Variants in CPQ observed in about 807,000 individuals in gnomAD.
The protein encoded by CPQ is Ser-Met dipeptidase.
A neutral mutation model predicts 45.7 loss-of-function variants in CPQ; 37 were observed. The ratio of observed to expected loss-of-function variants is 0.81; its 90% CI spans 0.62 to 1.07. CPQ has a LOEUF of 1.07. Ranked by LOEUF, CPQ falls within the 50% of genes least tolerant of loss-of-function variation. CPQ has a pLI of 0.00. For synonymous variants in CPQ, 186 were observed against 205.8 expected (o/e 0.90, Z 0.82); for missense variants, 537 against 572.9 (o/e 0.94, Z 0.64).
intron 7 of CPQ, among the ~76,000 whole-genome samples, chr8:97,067,914 C>T (rs1009256275): frequency 1.3e-5 from 2 of 152,078 alleles, no homozygotes; most frequent in Non-Finnish European, 2.9e-5. Flanking sequence ...TAGATTTTTT[C>T]TGAGCCTGAA....
intron 5 of CPQ, among the ~76,000 whole-genome samples, chr8:96,983,828 CT>C (rs77058864): frequency 0.027 from 3,737 of 137,642 alleles, 122 homozygotes; most frequent in African/African-American, 0.083. Flanking sequence ...TTTTTGGTTA[CT>C]TTTTTTTTTT....
intron 1 of CPQ, among the ~76,000 whole-genome samples, chr8:96,774,654 T>C (rs1473672990): frequency 6.6e-6 from 1 of 152,114 alleles, no homozygotes; most frequent in East Asian, 1.9e-4. Flanking sequence ...AACCCCACAG[T>C]CATTTCTAAC....
intron 2 of CPQ, among the ~76,000 whole-genome samples, chr8:96,818,622 CTG>C (rs1199218296): frequency 6.6e-6 from 1 of 152,074 alleles, no homozygotes; most frequent in Non-Finnish European, 1.5e-5. Context: ...TTTTGGGCAA[CTG>C]TATTCTGAGA....
At position 97,083,852 on chromosome 8, in the gene CPQ, G is replaced by A. The variant is rs1810997827; in HGVS notation, c.1255+17642G>A. On this transcript the variant is annotated intron_variant, in intron 7 of 7. Coordinates refer to ENST00000220763, the MANE Select transcript of CPQ (RefSeq NM_016134.4). ...CCTAATGGTGATGTGAAGATAGTAT[G>A]TATCCCAAAATATACATAGGGTATG... Among the ~76,000 whole-genome samples the A allele has an allele frequency of 3.9e-5, 6 of 152,140 alleles. 1 individual carries two copies. In the South Asian group the frequency reaches 1.2e-3, roughly 31 times the overall value.
intron 1 of CPQ, among the ~76,000 whole-genome samples, chr8:96,667,808 T>G (rs570738969): frequency 6.6e-6 from 1 of 152,328 alleles, no homozygotes; most frequent in African/African-American, 2.4e-5. Flanking sequence ...TCTGAAGTCC[T>G]GTCTCTTATA....
chr8:96,809,705 T>C (rs1250788628), intron 2 of CPQ, among the ~76,000 whole-genome samples: 3 of 152,112 alleles, frequency 2.0e-5, no homozygotes, highest in African/African-American at 7.2e-5. Flanking sequence ...ATCTATGGAA[T>C]TGTATACTGA....
chr8:96,821,778 A>G (rs899106221), intron 2 of CPQ, among the ~76,000 whole-genome samples: 10 of 151,970 alleles, frequency 6.6e-5, no homozygotes, highest in African/African-American at 2.4e-4. Flanking sequence ...TACAGTTTTA[A>G]AAATTAATTT....
chr8:96,710,933 G>A (rs1323491867), intron 1 of CPQ, among the ~76,000 whole-genome samples: 1 of 152,174 alleles, frequency 6.6e-6, no homozygotes, highest in African/African-American at 2.4e-5. Flanking sequence ...GTCTAGTGCT[G>A]TCAGTGGAGC....
intron 1 of CPQ, among the ~76,000 whole-genome samples, chr8:96,762,169 A>G (rs1179269760): frequency 6.6e-6 from 1 of 152,194 alleles, no homozygotes; most frequent in Non-Finnish European, 1.5e-5. Context: ...TATTTTAAGA[A>G]TAGACAATTA....
intron 4 of CPQ, among the ~76,000 whole-genome samples, chr8:96,898,482 C>T (rs1461193209): frequency 2.0e-5 from 3 of 152,062 alleles, no homozygotes; most frequent in Non-Finnish European, 4.4e-5. Flanking sequence ...GAATATCCAA[C>T]TATTCAAATT....
chr8:97,006,310 C>T (rs1313600246), intron 5 of CPQ, among the ~76,000 whole-genome samples: 1 of 151,866 alleles, frequency 6.6e-6, no homozygotes. Flanking sequence ...TAAGTCTCTT[C>T]CCGTGTCTAT....
intron 7 of CPQ, among the ~76,000 whole-genome samples, chr8:97,096,000 T>C (rs898000532): frequency 6.6e-5 from 10 of 152,174 alleles, no homozygotes; most frequent in African/African-American, 2.4e-4. Context: ...GTTATTTCTG[T>C]TTAAAATAAC....
At chr8:96,930,630 G>A (rs1240451759) in intron 4 of CPQ, among the ~76,000 whole-genome samples, 3 of 152,080 alleles carry the variant, frequency 2.0e-5, no homozygotes, top group Non-Finnish European at 4.4e-5. Flanking sequence ...TCCTCTTCTG[G>A]TTCTCCCAGC....
At chr8:96,790,907 C>T (rs1161270647) in intron 2 of CPQ, among the ~76,000 whole-genome samples, 1 of 152,066 alleles carries the variant, frequency 6.6e-6, no homozygotes, top group Non-Finnish European at 1.5e-5. Flanking sequence ...ACTGGGATAG[C>T]CAGTTTTGAT....
At chr8:96,710,783 G>T (rs1354144508) in intron 1 of CPQ, among the ~76,000 whole-genome samples, 1 of 152,160 alleles carries the variant, frequency 6.6e-6, no homozygotes, top group Non-Finnish European at 1.5e-5. Flanking sequence ...CTATCTTGGA[G>T]AATGTTCCAT....
intron 7 of CPQ, among the ~76,000 whole-genome samples, chr8:97,129,255 C>T (rs1001111190): frequency 2.0e-5 from 3 of 152,128 alleles, no homozygotes; most frequent in African/African-American, 7.2e-5. Flanking sequence ...CCTCTCACTC[C>T]ACTCTGGGGC....
chr8:96,802,409 A>G (rs958838386), intron 2 of CPQ, among the ~76,000 whole-genome samples: 1 of 152,184 alleles, frequency 6.6e-6, no homozygotes, highest in Admixed American at 6.5e-5. Context: ...TTTCACATTG[A>G]AAGTGGCTCC....
In CPQ at chr8:96,746,894, A is replaced by G. The variant is rs1810192053; in HGVS notation, c.-34-37970A>G. On this transcript the variant is annotated intron_variant, in intron 1 of 7. Transcript: ENST00000220763. The stretch of plus-strand genomic sequence containing the variant: ...GAGTTTTAGCATCTTTCAGCTCCAC[A>G]GCTCTACTAGCCAAATGTGCGTTCC... Among the ~76,000 whole-genome samples, 3 of 152,210 alleles carry G rather than the reference A, an allele frequency of 2.0e-5. No homozygotes were observed. The South Asian group carries it at 6.2e-4, about 31-fold the overall frequency.
At chr8:97,119,919 C>T (rs963581673) in intron 7 of CPQ, among the ~76,000 whole-genome samples, 16 of 152,184 alleles carry the variant, frequency 1.1e-4, no homozygotes, top group Non-Finnish European at 1.2e-4. Flanking sequence ...GACAGAGGGG[C>T]CTTCTGGGCA....
Sources: allele counts gnomAD v4.1 joint callset (sites outside exome capture counted in the v4.1 genomes callset), GRCh38; gene constraint gnomAD v4.1.1; transcripts MANE v1.5; gene names NCBI Gene and HGNC (gene_info 2026-07-23, HGNC 2026-07-21).